Variants in SSBP2 observed in about 807,000 individuals in gnomAD.
SSBP2 encodes single-stranded DNA-binding protein 2.
A neutral mutation model predicts 61.8 loss-of-function variants in SSBP2; 17 were observed. The ratio of observed to expected loss-of-function variants is 0.28; its 90% CI spans 0.19 to 0.41. SSBP2 has a LOEUF of 0.41. SSBP2 is among the 10% of genes least tolerant of loss of function. The probability of loss-of-function intolerance (pLI) is 1.00; values close to 1 mark genes in which losing one functional copy is unlikely to be tolerated. For missense variants in SSBP2, 310 were observed against 458.7 expected (o/e 0.68, Z 2.96); for synonymous variants, 139 against 141.3 (o/e 0.98, Z 0.12).
At chr5:81,425,397 G>C (rs1463450659) in intron 16 of SSBP2, among the ~76,000 whole-genome samples, 5 of 152,098 alleles carry the variant, frequency 3.3e-5, no homozygotes, top group Admixed American at 2.0e-4. Context: ...GGGCTGATGT[G>C]ATTTCTTTAC....
intron 4 of SSBP2, among the ~76,000 whole-genome samples, chr5:81,542,585 C>T (rs1020107002): frequency 6.6e-6 from 1 of 151,358 alleles, no homozygotes; most frequent in Non-Finnish European, 1.5e-5. Context: ...GTATATATTC[C>T]ATATACACCA....
At chr5:81,678,279 G>A (rs1400455272) in intron 1 of SSBP2, among the ~76,000 whole-genome samples, 1 of 152,150 alleles carries the variant, frequency 6.6e-6, no homozygotes, top group Non-Finnish European at 1.5e-5. Flanking sequence ...GAATGTCTTT[G>A]ATGGGTCTAT....
At chr5:81,639,294 T>C (rs1388653342) in intron 2 of SSBP2, among the ~76,000 whole-genome samples, 1 of 152,166 alleles carries the variant, frequency 6.6e-6, no homozygotes, top group Non-Finnish European at 1.5e-5. Context: ...TTTACTATAA[T>C]AAAAATTTAA....
At chr5:81,696,917 C>G (rs1263592897) in intron 1 of SSBP2, among the ~76,000 whole-genome samples, 1 of 152,138 alleles carries the variant, frequency 6.6e-6, no homozygotes, top group Non-Finnish European at 1.5e-5. Flanking sequence ...TGACAAATAC[C>G]TGTGGAAATA....
At chr5:81,726,538 ATACTAT>A in intron 1 of SSBP2, among the ~76,000 whole-genome samples, 1 of 152,246 alleles carries the variant, frequency 6.6e-6, no homozygotes, top group Non-Finnish European at 1.5e-5. Flanking sequence ...TAAAACCTGC[ATACTAT>A]TACCAACTGA....
chr5:81,675,469 A>C (rs1177771294), intron 1 of SSBP2, among the ~76,000 whole-genome samples: 1 of 152,172 alleles, frequency 6.6e-6, no homozygotes, highest in African/African-American at 2.4e-5. Flanking sequence ...AGAATATACC[A>C]TTTTAGGGAT....
chr5:81,487,794 C>G (rs1221114854), intron 6 of SSBP2, among the ~76,000 whole-genome samples: 2 of 151,054 alleles, frequency 1.3e-5, no homozygotes, highest in African/African-American at 4.8e-5. Flanking sequence ...AAAATTTATG[C>G]CCTTTGATCA....
intron 1 of SSBP2, among the ~76,000 whole-genome samples, chr5:81,695,662 T>G (rs147225739): frequency 9.2e-5 from 14 of 152,230 alleles, no homozygotes; most frequent in Admixed American, 8.5e-4. Flanking sequence ...AAATAAACTT[T>G]GAAAACTTAG....
chr5:81,554,101 G>T (rs1055154701), intron 4 of SSBP2, among the ~76,000 whole-genome samples: 2 of 151,946 alleles, frequency 1.3e-5, no homozygotes, highest in African/African-American at 4.8e-5. Context: ...AACAGATTCC[G>T]GTCTACATTA....
At chr5:81,598,468 C>A (rs2153547733) in intron 4 of SSBP2, among the ~76,000 whole-genome samples, 1 of 152,228 alleles carries the variant, frequency 6.6e-6, no homozygotes, top group African/African-American at 2.4e-5. Context: ...AATATCTGGA[C>A]CAAAGAACCC....
At chr5:81,666,550 T>A (rs904010109) in intron 1 of SSBP2, among the ~76,000 whole-genome samples, 2 of 152,168 alleles carry the variant, frequency 1.3e-5, no homozygotes, top group African/African-American at 4.8e-5. Context: ...ATGACTACTA[T>A]CAACTTTGGA....
chr5:81,421,589 A>T (rs980531209), intron 16 of SSBP2, among the ~76,000 whole-genome samples: 2 of 152,188 alleles, frequency 1.3e-5, no homozygotes, highest in African/African-American at 2.4e-5. Context: ...CAAATGATAA[A>T]AGGTGAGGGT....
At chr5:81,574,991 C>G (rs1007723362) in intron 4 of SSBP2, among the ~76,000 whole-genome samples, 5 of 152,160 alleles carry the variant, frequency 3.3e-5, no homozygotes, top group African/African-American at 1.2e-4. Context: ...AAGCTCAGAC[C>G]GGGTGCAGTA....
chr5:81,427,852 T>C (rs553078963), intron 16 of SSBP2, among the ~76,000 whole-genome samples: 24 of 152,282 alleles, frequency 1.6e-4, no homozygotes, highest in African/African-American at 5.5e-4. Context: ...ATTCACTAAG[T>C]CTAGGGAGAG....
At chr5:81,435,215 T>C (rs1326674720) in intron 15 of SSBP2, among the ~76,000 whole-genome samples, 1 of 152,236 alleles carries the variant, frequency 6.6e-6, no homozygotes, top group Non-Finnish European at 1.5e-5. Context: ...AATTTTTATT[T>C]ATCCAATTCG....
chr5:81,494,648 C>T lies in SSBP2; in HGVS notation c.373-5339G>A, dbSNP rs35883849. On this transcript the variant is annotated intron_variant, in intron 5 of 16. Transcript: ENST00000320672. ...TGGCTGGCACCTTGATCTTGGACTT[C>T]CCAGCCTTCAGAACTCCAAAGAATA... Among the ~76,000 whole-genome samples, 1,063 of 152,168 alleles carry T rather than the reference C, an allele frequency of 7.0e-3. 8 individuals carry two copies. Among genetic ancestry groups the T allele is most frequent in the African/African-American group, 0.024 (982 of 41,524 alleles).
intron 9 of SSBP2, among the ~76,000 whole-genome samples, chr5:81,465,406 A>G (rs924032460): frequency 2.6e-5 from 4 of 152,034 alleles, no homozygotes; most frequent in African/African-American, 9.7e-5. Context: ...ATGCTTAAGT[A>G]TATCTGGGAA....
At chr5:81,721,070 C>T (rs1184356790) in intron 1 of SSBP2, among the ~76,000 whole-genome samples, 1 of 152,040 alleles carries the variant, frequency 6.6e-6, no homozygotes, top group Non-Finnish European at 1.5e-5. Context: ...CAAAGATATA[C>T]AGATTTTCAG....
intron 4 of SSBP2, among the ~76,000 whole-genome samples, chr5:81,602,790 T>A (rs1744497171): frequency 6.6e-6 from 1 of 152,216 alleles, no homozygotes; most frequent in Non-Finnish European, 1.5e-5. Context: ...TGCCAATCCA[T>A]AATTTCATTA....
Sources: allele counts gnomAD v4.1 joint callset (sites outside exome capture counted in the v4.1 genomes callset), GRCh38; gene constraint gnomAD v4.1.1; transcripts MANE v1.5; gene names NCBI Gene and HGNC (gene_info 2026-07-23, HGNC 2026-07-21).